Variants in COL23A1 observed in about 807,000 individuals in gnomAD.
COL23A1 encodes collagen alpha-1(XXIII) chain.
Under a neutral mutation model 99.3 loss-of-function variants are expected in COL23A1, and 97 were observed. The ratio of observed to expected loss-of-function variants is 0.98; its 90% confidence interval spans 0.83 to 1.16. COL23A1 has a LOEUF of 1.16. Ranked by LOEUF, COL23A1 falls within the 50% of genes most tolerant of loss-of-function variation. The pLI, the probability that COL23A1 is intolerant of heterozygous loss-of-function variation, is 0.00. For missense variants in COL23A1, 762 were observed against 757.4 expected (o/e 1.01, Z -0.07); for synonymous variants, 320 against 308.2 (o/e 1.04, Z -0.40).
intron 2 of COL23A1, among the ~76,000 whole-genome samples, chr5:178,371,283 C>T (rs796663686): frequency 2.0e-4 from 31 of 152,316 alleles, no homozygotes; most frequent in African/African-American, 7.0e-4. Context: ...TACATGGGTT[C>T]GACCAGTGTC....
intron 2 of COL23A1, among the ~76,000 whole-genome samples, chr5:178,355,903 A>G (rs62389379): frequency 0.079 from 12,098 of 152,292 alleles, 578 homozygotes; most frequent in East Asian, 0.2. Flanking sequence ...ATGTTCACCA[A>G]CTTGTGCAGT....
At chr5:178,393,742 T>G (rs1401438607) in intron 2 of COL23A1, among the ~76,000 whole-genome samples, 1 of 151,920 alleles carries the variant, frequency 6.6e-6, no homozygotes, top group East Asian at 1.9e-4. Context: ...CTCAAGCGAT[T>G]TTTCTGCCTC....
In COL23A1 at chr5:178,256,354, CG is replaced by C; in HGVS notation, c.880del (p.Arg294GlyfsTer15). 1 of 1,602,614 alleles carries C rather than the reference CG, an allele frequency of 6.2e-7. No homozygotes were observed. The highest frequency in any genetic ancestry group is 1.8e-4 in the Middle Eastern group (1 of 5,554). On this transcript the variant is annotated frameshift_variant and splice_region_variant, in exon 15 of 29. Transcript: ENST00000390654. LOFTEE classifies it high-confidence loss of function. ...HRGTDGAAGP[R>X]GAPGLKGEQG... ...CTCGCCTGAGGGGCGGCAGCTTACC[CG>C]GGGCCCTGCAGCTCCATCCGTGCCT... is the stretch of plus-strand genomic sequence containing the variant.
intron 2 of COL23A1, among the ~76,000 whole-genome samples, chr5:178,529,258 G>A (rs760928624): frequency 8.5e-5 from 13 of 152,212 alleles, no homozygotes; most frequent in Non-Finnish European, 1.8e-4. Flanking sequence ...ATGAGCAAGC[G>A]GCTCCTCCAG....
chr5:178,588,476 G>C (rs767521928), intron 1 of COL23A1, among the ~76,000 whole-genome samples: 3 of 152,206 alleles, frequency 2.0e-5, no homozygotes, highest in Non-Finnish European at 2.9e-5. Flanking sequence ...AACTTTACTG[G>C]CCCTCTATAA....
At chr5:178,430,404 C>CGG (rs1486561726) in intron 2 of COL23A1, among the ~76,000 whole-genome samples, 2 of 152,306 alleles carry the variant, frequency 1.3e-5, no homozygotes, top group East Asian at 3.9e-4. Flanking sequence ...CAATTCCATC[C>CGG]TGGGGCTCAT....
At chr5:178,385,391 G>T (rs1763618249) in intron 2 of COL23A1, among the ~76,000 whole-genome samples, 1 of 152,182 alleles carries the variant, frequency 6.6e-6, no homozygotes, top group South Asian at 2.1e-4. Flanking sequence ...ATGTCAGTAG[G>T]CTGGAAGCAA....
intron 2 of COL23A1, among the ~76,000 whole-genome samples, chr5:178,338,877 C>T (rs1207386373): frequency 6.6e-6 from 1 of 152,266 alleles, no homozygotes; most frequent in East Asian, 1.9e-4. Context: ...ACATGTAAAC[C>T]CGATGAGACT....
chr5:178,587,769 C>T (rs1764074250), intron 1 of COL23A1, among the ~76,000 whole-genome samples: 2 of 152,218 alleles, frequency 1.3e-5, no homozygotes, highest in African/African-American at 2.4e-5. Flanking sequence ...TCCCACAGTG[C>T]TCTCCTCCCA....
intron 2 of COL23A1, among the ~76,000 whole-genome samples, chr5:178,559,857 C>T (rs968623651): frequency 2.8e-4 from 41 of 148,598 alleles, no homozygotes; most frequent in African/African-American, 9.8e-4. Flanking sequence ...AGACACATCA[C>T]CCAAAAGTCA....
At chr5:178,584,872 T>G (rs2113744097) in intron 1 of COL23A1, among the ~76,000 whole-genome samples, 2 of 152,280 alleles carry the variant, frequency 1.3e-5, no homozygotes, top group Middle Eastern at 6.8e-3. Context: ...TAGTGTCCTC[T>G]TCCCTTCCTG....
At chr5:178,552,144 C>T (rs1762031794) in intron 2 of COL23A1, among the ~76,000 whole-genome samples, 1 of 152,192 alleles carries the variant, frequency 6.6e-6, no homozygotes, top group African/African-American at 2.4e-5. Context: ...TTCTGTAGGA[C>T]TGGTGTTTCC....
chr5:178,398,655 T>C (rs1407544865), intron 2 of COL23A1, among the ~76,000 whole-genome samples: 1 of 152,212 alleles, frequency 6.6e-6, no homozygotes, highest in East Asian at 1.9e-4. Flanking sequence ...CCCAGAGTTA[T>C]AGCTTAAATA....
At chr5:178,252,747 C>G in intron 16 of COL23A1, 150 bp from the exon 17 acceptor site, 1 of 642,424 alleles carries the variant, frequency 1.6e-6, no homozygotes, top group East Asian at 2.9e-5. Context: ...CCAGTCAGGT[C>G]AGGCCACACT....
chr5:178,431,701 A>G (rs1249350925), intron 2 of COL23A1, among the ~76,000 whole-genome samples: 8 of 152,356 alleles, frequency 5.3e-5, no homozygotes, highest in African/African-American at 1.7e-4. Flanking sequence ...CTGCCCTGCC[A>G]CCATCTTGAT....
intron 2 of COL23A1, among the ~76,000 whole-genome samples, chr5:178,541,779 G>T (rs1420434584): frequency 6.6e-6 from 1 of 152,130 alleles, no homozygotes; most frequent in East Asian, 1.9e-4. Flanking sequence ...ACCCTCAACT[G>T]CATGCAGCAA....
intron 2 of COL23A1, among the ~76,000 whole-genome samples, chr5:178,341,497 C>A (rs1760658200): frequency 6.6e-6 from 1 of 152,198 alleles, no homozygotes; most frequent in Admixed American, 6.5e-5. Context: ...GCAAAGGGGT[C>A]CCCCAGTGAA....
At chr5:178,257,687 C>T (rs1417853468) in intron 12 of COL23A1, 120 bp from the exon 13 acceptor site, 3 of 990,202 alleles carry the variant, frequency 3.0e-6, no homozygotes, top group Non-Finnish European at 3.1e-6. Flanking sequence ...CACATGGTAC[C>T]AGGCAGCTCC....
intron 2 of COL23A1, among the ~76,000 whole-genome samples, chr5:178,342,905 A>C (rs553778892): frequency 6.6e-6 from 1 of 152,346 alleles, no homozygotes; most frequent in South Asian, 2.1e-4. Context: ...GAGATGCCTA[A>C]AAGTCCCCAG....
Sources: gnomAD v4.1 joint callset for allele counts (sites outside exome capture counted in the v4.1 genomes callset) on GRCh38, gnomAD v4.1.1 for gene constraint, MANE v1.5 for transcripts, NCBI Gene and HGNC (gene_info 2026-07-23, HGNC 2026-07-21) for gene names.